USP12: variants seen among roughly 807,000 people sequenced by gnomAD.
USP12 encodes the protein ubiquitin carboxyl-terminal hydrolase 12.
USP12 carries 19 observed loss-of-function variants against 45.5 expected under a neutral mutation model. The observed-to-expected ratio is 0.42, with a 90% CI of 0.29 to 0.61. USP12 has a LOEUF of 0.61. USP12 is among the 20% of genes least tolerant of loss of function. USP12 has a pLI of 0.22. For synonymous variants in USP12, 149 were observed against 148.8 expected (o/e 1.00, Z -0.01); for missense variants, 242 against 447.7 (o/e 0.54, Z 4.15).
chr13:27,104,840 G>A (rs1875052286), intron 3 of USP12, among the ~76,000 whole-genome samples: 1 of 152,160 alleles, frequency 6.6e-6, no homozygotes, highest in Non-Finnish European at 1.5e-5. Flanking sequence ...CTGCTTGTGA[G>A]CGTCTACTTA....
chr13:27,170,669 C>G (rs1375953503), intron 1 of USP12, among the ~76,000 whole-genome samples: 2 of 152,232 alleles, frequency 1.3e-5, no homozygotes, highest in Non-Finnish European at 2.9e-5. Flanking sequence ...TAGCACTTTT[C>G]CCTTACAGTC....
intron 1 of USP12, among the ~76,000 whole-genome samples, chr13:27,133,502 C>A (rs1193986866): frequency 6.6e-6 from 1 of 152,240 alleles, no homozygotes; most frequent in East Asian, 1.9e-4. Context: ...GTGGCGGGCA[C>A]CTGCAGTCCC....
intron 1 of USP12, among the ~76,000 whole-genome samples, chr13:27,160,244 C>T (rs1436030098): frequency 1.3e-5 from 2 of 151,936 alleles, no homozygotes; most frequent in South Asian, 2.1e-4. Context: ...TACAAATATC[C>T]AAGCATTTTT....
At position 27,075,177 on chromosome 13, in the gene USP12, G is replaced by A. The variant is rs370714845; in HGVS notation, c.932+14C>T. On this transcript the variant is annotated intron_variant, in intron 7 of 8. Transcript: ENST00000282344. ...CTAGGAATTCCACTACTATGTCCCCGGAGTTGCAATTACCTTCCACAGTGA... is the reference window on the plus strand; with the variant it reads ...CTAGGAATTCCACTACTATGTCCCCAGAGTTGCAATTACCTTCCACAGTGA... 3.3e-5 allele frequency: 54 copies of A among 1,613,364 alleles called. No homozygotes were observed. Among genetic ancestry groups the A allele is most frequent in the Non-Finnish European group, 4.2e-5 (49 of 1,179,610 alleles).
intron 1 of USP12, among the ~76,000 whole-genome samples, chr13:27,160,896 C>T (rs905882377): frequency 1.3e-5 from 2 of 151,974 alleles, no homozygotes; most frequent in Non-Finnish European, 2.9e-5. Flanking sequence ...CAACCCATCT[C>T]CCCGGGTTAA....
intron 1 of USP12, chr13:27,169,148 TGAGTAA>T (rs1271879329): frequency 2.6e-5 from 4 of 152,064 alleles, no homozygotes; most frequent in Non-Finnish European, 5.9e-5. Flanking sequence ...CCCTCACAAT[TGAGTAA>T]GAGTTCAAAG....
chr13:27,163,110 TGA>T (rs201761075), intron 1 of USP12, among the ~76,000 whole-genome samples: 2 of 152,182 alleles, frequency 1.3e-5, no homozygotes, highest in East Asian at 3.8e-4. Flanking sequence ...AAGCAAATTT[TGA>T]AAAATCAATG....
chr13:27,112,608 C>A (rs1225099048), intron 2 of USP12, among the ~76,000 whole-genome samples: 2 of 152,094 alleles, frequency 1.3e-5, no homozygotes, highest in Non-Finnish European at 2.9e-5. Context: ...TTTAAAACAA[C>A]CTTTTAAGTT....
At chr13:27,069,472 T>C in intron 8 of USP12, 88 bp from the exon 9 acceptor site, 1 of 990,656 alleles carries the variant, frequency 1.0e-6, no homozygotes, top group Middle Eastern at 2.1e-4. Context: ...ATACCAAGTA[T>C]TTGGTGAAAA....
intron 1 of USP12, among the ~76,000 whole-genome samples, chr13:27,138,752 A>G (rs1474235129): frequency 1.3e-5 from 2 of 152,162 alleles, no homozygotes; most frequent in Non-Finnish European, 2.9e-5. Flanking sequence ...CACATTTGCT[A>G]TGTTTCAGGT....
At position 27,171,669 on chromosome 13, in the gene USP12, AGCG is replaced by A. The variant is rs752665721; in HGVS notation, c.-33_-31del. ...CCAGCGCCATCTTCCACCCAATCACAGCGGCGGCGGCGGGCGGGGGAGGAGGGG... is the reference window on the plus strand; with the variant it reads ...CCAGCGCCATCTTCCACCCAATCACAGCGGCGGCGGGCGGGGGAGGAGGGG... On this transcript the variant is annotated 5_prime_UTR_variant, in exon 1 of 9. Transcript: ENST00000282344. 2.0e-4 allele frequency: 235 copies of A among 1,175,536 alleles called. No homozygotes were observed. Among genetic ancestry groups the A allele is most frequent in the South Asian group, 1.0e-3 (66 of 64,048 alleles). The allele number at this position is 1,175,536 out of a possible 1,614,324, so 72.8% of individuals were successfully genotyped here.
intron 3 of USP12, among the ~76,000 whole-genome samples, chr13:27,102,079 A>T (rs1041653443): frequency 1.3e-5 from 2 of 152,230 alleles, no homozygotes; most frequent in African/African-American, 4.8e-5. Context: ...ATGATGACAG[A>T]AAAGTAGATC....
chr13:27,152,678 C>T (rs1877624810), intron 1 of USP12, among the ~76,000 whole-genome samples: 1 of 152,018 alleles, frequency 6.6e-6, no homozygotes, highest in African/African-American at 2.4e-5. Flanking sequence ...CGTGGTGGCT[C>T]CCGCTTGTAA....
chr13:27,167,119 G>A (rs1878380549), intron 1 of USP12, among the ~76,000 whole-genome samples: 1 of 152,076 alleles, frequency 6.6e-6, no homozygotes, highest in Admixed American at 6.6e-5. Flanking sequence ...AAAATTAGCT[G>A]GGCGTGGTGG....
In USP12 at chr13:27,067,940, C is replaced by A. The variant is rs889746419; in HGVS notation, c.*1343G>T. ...TGTTACATATATTACTTCTTAAAAC[C>A]CCCAACAGAATGAAGTCTTAGCAAA... On this transcript the variant is annotated 3_prime_UTR_variant, in exon 9 of 9. Transcript: ENST00000282344. 1 of 152,028 alleles carries A rather than the reference C, an allele frequency of 6.6e-6. No homozygotes were observed. Among genetic ancestry groups the A allele is most frequent in the Admixed American group, 6.6e-5 (1 of 15,244 alleles). The allele number at this position is 152,028 out of a possible 1,614,324, so 9.4% of individuals were successfully genotyped here. A position where few individuals can be genotyped will look rare whatever the true frequency, so the allele number is the denominator to read the frequency against.
chr13:27,145,723 T>C lies in USP12; in HGVS notation c.48+25869A>G, dbSNP rs188526649. Among the ~76,000 whole-genome samples, 1,066 of 152,246 alleles carry C rather than the reference T, an allele frequency of 7.0e-3. 8 individuals are homozygous for C. Among genetic ancestry groups the C allele is most frequent in the Middle Eastern group, 0.014 (4 of 294 alleles). On this transcript the variant is annotated intron_variant, in intron 1 of 8. Coordinates refer to ENST00000282344, the MANE Select transcript of USP12 (RefSeq NM_182488.4). ...GTTTATCTAGTTGTCCTAAAGTCCC[T>C]TCTTTATCAACAAAAGTCTGTAACT... is the stretch of plus-strand genomic sequence containing the variant.
At chr13:27,096,056 G>C (rs1482808648) in intron 3 of USP12, among the ~76,000 whole-genome samples, 1 of 152,176 alleles carries the variant, frequency 6.6e-6, no homozygotes, top group African/African-American at 2.4e-5. Context: ...TTGATCCTGA[G>C]AAAAGGGCAA....
At chr13:27,153,152 C>A (rs755514286) in intron 1 of USP12, among the ~76,000 whole-genome samples, 6 of 151,246 alleles carry the variant, frequency 4.0e-5, no homozygotes, top group Non-Finnish European at 7.4e-5. Context: ...GCCAACATGG[C>A]GAAACCCTGT....
At chr13:27,168,528 A>G (rs1375969846) in intron 1 of USP12, among the ~76,000 whole-genome samples, 1 of 152,212 alleles carries the variant, frequency 6.6e-6, no homozygotes, top group Non-Finnish European at 1.5e-5. Context: ...ATAATATTAA[A>G]TATCAGGTAG....
Sources: allele counts gnomAD v4.1 joint callset (sites outside exome capture counted in the v4.1 genomes callset), GRCh38; gene constraint gnomAD v4.1.1; transcripts MANE v1.5; gene names NCBI Gene and HGNC (gene_info 2026-07-23, HGNC 2026-07-21).